RTL4: variants seen among roughly 807,000 people sequenced by gnomAD.
The protein encoded by RTL4 is retrotransposon Gag-like protein 4.
RTL4 carries 4 observed loss-of-function variants against 5.3 expected under a neutral mutation model. The observed-to-expected ratio is 0.75, with a 90% CI of 0.37 to 1.72. RTL4 has a LOEUF of 1.72. Ranked by LOEUF, RTL4 falls within the 40% of genes most tolerant of loss-of-function variation. The pLI is 0.04. For synonymous variants in RTL4, 98 were observed against 87.3 expected (o/e 1.12, Z -0.68); for missense variants, 260 against 227.1 (o/e 1.14, Z -0.93).
the RTL4 span, among the ~76,000 whole-genome samples, chrX:112,392,414 G>T: frequency 3.6e-5 from 4 of 111,797 alleles, no homozygotes; most frequent in Non-Finnish European, 7.5e-5. Context: ...AATAGTGAAG[G>T]CTGCAAAACA....
the RTL4 span, among the ~76,000 whole-genome samples, chrX:112,148,071 T>TA: frequency 9.0e-6 from 1 of 111,279 alleles, no homozygotes. Context: ...TCAGCCAACA[T>TA]ACATTGAATG....
chrX:112,238,026 T>G, the RTL4 span, among the ~76,000 whole-genome samples: 3 of 112,321 alleles, frequency 2.7e-5, no homozygotes, highest in Non-Finnish European at 5.6e-5. Flanking sequence ...ACAAAACAAA[T>G]GTGTCTTTTG....
the RTL4 span, among the ~76,000 whole-genome samples, chrX:112,197,223 T>C: frequency 2.8e-5 from 3 of 109,009 alleles, no homozygotes; most frequent in Non-Finnish European, 3.8e-5. Context: ...AAAAGCTCAA[T>C]ATCACTAATG....
chrX:112,176,277 A>G, the RTL4 span, among the ~76,000 whole-genome samples: 2 of 112,309 alleles, frequency 1.8e-5, no homozygotes, highest in African/African-American at 6.5e-5. Flanking sequence ...AAGAATCAAT[A>G]TCGTGAAAAT....
the RTL4 span, among the ~76,000 whole-genome samples, chrX:112,399,172 A>G: frequency 8.9e-6 from 1 of 111,739 alleles, no homozygotes; most frequent in South Asian, 3.7e-4. Context: ...TCTGATATTG[A>G]TTGTGTAAGT....
chrX:112,228,136 G>A, the RTL4 span, among the ~76,000 whole-genome samples: 1 of 111,277 alleles, frequency 9.0e-6, no homozygotes, highest in African/African-American at 3.3e-5. Context: ...TCAATGCTCA[G>A]TCCCCCTACC....
chrX:112,196,475 C>A, the RTL4 span, among the ~76,000 whole-genome samples: 1 of 111,745 alleles, frequency 8.9e-6, no homozygotes, highest in Admixed American at 9.5e-5. Context: ...GTGAACATTA[C>A]TCTCTGTTTC....
chrX:112,324,179 A>G, the RTL4 span, among the ~76,000 whole-genome samples: 4 of 112,512 alleles, frequency 3.6e-5, no homozygotes, highest in African/African-American at 1.3e-4. Flanking sequence ...ATAGAATCAT[A>G]CAATATGTGG....
At chrX:112,167,005 T>A in the RTL4 span, among the ~76,000 whole-genome samples, 1 of 111,730 alleles carries the variant, frequency 9.0e-6, no homozygotes, top group Non-Finnish European at 1.9e-5. Context: ...TTAAGTGACT[T>A]CTTGTATTTA....
At chrX:112,328,929 A>C in the RTL4 span, among the ~76,000 whole-genome samples, 1 of 112,086 alleles carries the variant, frequency 8.9e-6, no homozygotes, top group African/African-American at 3.2e-5. Context: ...AACGAAATGA[A>C]GGCAAAAATA....
exon 1 of RTL4, chrX:112,455,654 A>G: frequency 1.7e-6 from 2 of 1,203,352 alleles, no homozygotes; most frequent in Non-Finnish European, 2.2e-6. Flanking sequence ...AACACAGCTC[A>G]CCAGTAAGAG....
the RTL4 span, among the ~76,000 whole-genome samples, chrX:112,402,289 G>A: frequency 7.2e-5 from 8 of 110,813 alleles, no homozygotes; most frequent in African/African-American, 1.6e-4. Flanking sequence ...CAAATCACAC[G>A]TTTTCCTTCT....
the RTL4 span, among the ~76,000 whole-genome samples, chrX:112,407,544 G>A: frequency 8.9e-6 from 1 of 112,544 alleles, no homozygotes; most frequent in East Asian, 2.8e-4. Context: ...CCCCTGGATG[G>A]CAACTCTTGA....
chrX:112,095,253 T>G, the RTL4 span, among the ~76,000 whole-genome samples: 1 of 111,129 alleles, frequency 9.0e-6, no homozygotes, highest in African/African-American at 3.3e-5. Context: ...TTCTGTATAG[T>G]AGTAGGAGAT....
At chrX:112,372,649 A>C in the RTL4 span, among the ~76,000 whole-genome samples, 1 of 111,321 alleles carries the variant, frequency 9.0e-6, no homozygotes, top group Non-Finnish European at 1.9e-5. Flanking sequence ...CACATACTGC[A>C]CCACTAAGGA....
the RTL4 span, among the ~76,000 whole-genome samples, chrX:112,111,519 G>C: frequency 8.9e-6 from 1 of 112,692 alleles, no homozygotes; most frequent in Non-Finnish European, 1.9e-5. Flanking sequence ...ATTTAAAGGG[G>C]GTTCCCCCAG....
chrX:112,277,216 A>G, the RTL4 span, among the ~76,000 whole-genome samples: 1 of 111,415 alleles, frequency 9.0e-6, no homozygotes, highest in South Asian at 3.8e-4. Context: ...TACTGAAGTC[A>G]GAAACCTCCT....
the RTL4 span, among the ~76,000 whole-genome samples, chrX:112,171,881 G>A: frequency 8.9e-6 from 1 of 112,166 alleles, no homozygotes; most frequent in Admixed American, 9.4e-5. Context: ...AAATTAAAGA[G>A]CTTCTGCATG....
At chrX:112,333,489 A>G in the RTL4 span, among the ~76,000 whole-genome samples, 3 of 111,726 alleles carry the variant, frequency 2.7e-5, no homozygotes, top group Admixed American at 1.9e-4. Flanking sequence ...TATACCTTAA[A>G]TACAGTTTGA....
Sources: gnomAD v4.1 joint callset for allele counts (sites outside exome capture counted in the v4.1 genomes callset) on GRCh38, gnomAD v4.1.1 for gene constraint, MANE v1.5 for transcripts, NCBI Gene and HGNC (gene_info 2026-07-23, HGNC 2026-07-21) for gene names.